Variants in GPC6 observed in about 807,000 individuals in gnomAD.
The protein encoded by GPC6 is glypican-6.
A neutral mutation model predicts 55.2 loss-of-function variants in GPC6; 14 were observed. The observed-to-expected ratio is 0.25, with a 90% CI of 0.17 to 0.40. The LOEUF (loss-of-function observed/expected upper bound fraction) is 0.40. GPC6 is among the 10% of genes least tolerant of loss of function. GPC6 has a pLI of 1.00. For missense variants in GPC6, 641 were observed against 708.5 expected (o/e 0.90, Z 1.08); for synonymous variants, 278 against 259.6 (o/e 1.07, Z -0.68).
chr13:94,217,051 C>A (rs1890247188), intron 4 of GPC6, among the ~76,000 whole-genome samples: 1 of 152,112 alleles, frequency 6.6e-6, no homozygotes, highest in Non-Finnish European at 1.5e-5. Flanking sequence ...ATTATAGACA[C>A]CAGATATTAA....
intron 1 of GPC6, among the ~76,000 whole-genome samples, chr13:93,429,494 C>T (rs1243636806): frequency 2.0e-5 from 3 of 152,098 alleles, no homozygotes; most frequent in African/African-American, 7.2e-5. Flanking sequence ...TTTCCTAGCT[C>T]CTGATAATTG....
intron 2 of GPC6, 69 bp downstream of exon 2, chr13:93,545,490 G>GA (rs1473092450): frequency 3.8e-6 from 5 of 1,312,538 alleles, no homozygotes; most frequent in Non-Finnish European, 5.5e-6. Context: ...GGTATCATAT[G>GA]AAAAATATTT....
chr13:93,789,442 G>A (rs1307752240), intron 2 of GPC6, among the ~76,000 whole-genome samples: 2 of 146,554 alleles, frequency 1.4e-5, no homozygotes, highest in Non-Finnish European at 3.0e-5. Flanking sequence ...ATATGTGAGT[G>A]TACCTATCAT....
intron 4 of GPC6, among the ~76,000 whole-genome samples, chr13:94,167,283 A>G (rs1888400565): frequency 6.6e-6 from 1 of 152,188 alleles, no homozygotes; most frequent in African/African-American, 2.4e-5. Flanking sequence ...TAGTCATAAC[A>G]GTGTTAAGGG....
chr13:93,326,456 GCACA>G (rs773749351), intron 1 of GPC6, among the ~76,000 whole-genome samples: 6 of 151,436 alleles, frequency 4.0e-5, no homozygotes, highest in Admixed American at 4.0e-4. Context: ...ACACGCACAC[GCACA>G]CACACACACG....
At chr13:93,564,133 CATG>C (rs1359567113) in intron 2 of GPC6, among the ~76,000 whole-genome samples, 2 of 152,016 alleles carry the variant, frequency 1.3e-5, no homozygotes, top group Non-Finnish European at 2.9e-5. Flanking sequence ...TGGTATAATA[CATG>C]ATAACGTTTC....
intron 3 of GPC6, among the ~76,000 whole-genome samples, chr13:93,869,656 C>A (rs919378407): frequency 2.6e-5 from 4 of 151,890 alleles, no homozygotes; most frequent in Non-Finnish European, 4.4e-5. Context: ...CATATTAATA[C>A]ATTCATGGAT....
intron 1 of GPC6, among the ~76,000 whole-genome samples, chr13:93,280,861 A>T (rs111856893): frequency 0.028 from 4,212 of 152,164 alleles, 169 homozygotes; most frequent in African/African-American, 0.095. Context: ...CACAGCCTAG[A>T]TCCCTTGCAT....
chr13:93,252,835 A>G (rs1463022629), intron 1 of GPC6, among the ~76,000 whole-genome samples: 1 of 152,248 alleles, frequency 6.6e-6, no homozygotes, highest in African/African-American at 2.4e-5. Flanking sequence ...TTTTCTTACC[A>G]GGCATACCTT....
chr13:94,396,664 T>C (rs923794408), intron 7 of GPC6, among the ~76,000 whole-genome samples: 1 of 152,208 alleles, frequency 6.6e-6, no homozygotes, highest in Non-Finnish European at 1.5e-5. Flanking sequence ...AATTGCACTA[T>C]GCAAGGAAAA....
At chr13:94,230,171 A>G (rs1356077406) in intron 4 of GPC6, among the ~76,000 whole-genome samples, 1 of 152,132 alleles carries the variant, frequency 6.6e-6, no homozygotes, top group Non-Finnish European at 1.5e-5. Flanking sequence ...ACAAGTTACC[A>G]TATGTAAAGA....
intron 3 of GPC6, among the ~76,000 whole-genome samples, chr13:93,850,405 A>G (rs2139011137): frequency 6.6e-6 from 1 of 152,092 alleles, no homozygotes; most frequent in Middle Eastern, 3.4e-3. Context: ...GTACAAGCTC[A>G]ACCTATGGGG....
chr13:94,166,111 G>A (rs1027613523), intron 4 of GPC6, among the ~76,000 whole-genome samples: 4 of 152,124 alleles, frequency 2.6e-5, no homozygotes, highest in South Asian at 2.1e-4. Flanking sequence ...CCTCCCTGTC[G>A]ATAATGGGAT....
chr13:94,355,420 T>C (rs1878748901), intron 6 of GPC6, among the ~76,000 whole-genome samples: 2 of 152,170 alleles, frequency 1.3e-5, no homozygotes, highest in African/African-American at 4.8e-5. Context: ...CAGTTACCTT[T>C]TATTTTCATG....
chr13:93,736,830 A>G (rs1464119811), intron 2 of GPC6, among the ~76,000 whole-genome samples: 2 of 152,204 alleles, frequency 1.3e-5, no homozygotes, highest in African/African-American at 4.8e-5. Flanking sequence ...AAATTATGAC[A>G]TTCACAAAAT....
At chr13:93,821,602 A>G (rs1381936654) in intron 2 of GPC6, among the ~76,000 whole-genome samples, 3 of 152,206 alleles carry the variant, frequency 2.0e-5, no homozygotes, top group Admixed American at 1.3e-4. Context: ...TTGCAACCAC[A>G]GTACTCAACT....
intron 2 of GPC6, among the ~76,000 whole-genome samples, chr13:93,569,815 C>A (rs892659152): frequency 1.9e-4 from 29 of 151,650 alleles, no homozygotes; most frequent in African/African-American, 6.8e-4. Context: ...ATAAAGTTAC[C>A]AATTATAATA....
intron 3 of GPC6, among the ~76,000 whole-genome samples, chr13:93,877,887 G>A (rs967412648): frequency 2.0e-5 from 3 of 152,028 alleles, no homozygotes; most frequent in Non-Finnish European, 4.4e-5. Flanking sequence ...ACTCATAAAT[G>A]ACTATGGGAG....
intron 2 of GPC6, among the ~76,000 whole-genome samples, chr13:93,721,507 G>A (rs1883453844): frequency 6.6e-6 from 1 of 151,644 alleles, no homozygotes; most frequent in Non-Finnish European, 1.5e-5. Context: ...ATTTGCTGAT[G>A]AGATTGATGA....
Sources: allele counts gnomAD v4.1 joint callset (sites outside exome capture counted in the v4.1 genomes callset), GRCh38; gene constraint gnomAD v4.1.1; transcripts MANE v1.5; gene names NCBI Gene and HGNC (gene_info 2026-07-23, HGNC 2026-07-21).